Variants in CCDC88A observed in about 807,000 individuals in gnomAD.
The protein encoded by CCDC88A is girdin.
A neutral mutation model predicts 234.3 loss-of-function variants in CCDC88A; 54 were observed. The ratio of observed to expected loss-of-function variants is 0.23; its 90% CI spans 0.19 to 0.29. CCDC88A has a LOEUF of 0.29. Among genes scored for constraint, CCDC88A ranks in the 10% least tolerant of loss-of-function variants. The pLI is 1.00. For missense variants in CCDC88A, 1,832 were observed against 2,123.4 expected (o/e 0.86, Z 2.70); for synonymous variants, 753 against 737.8 (o/e 1.02, Z -0.33).
intron 11 of CCDC88A, 116 bp from the exon 12 acceptor site, chr2:55,343,908 T>C: frequency 1.1e-6 from 1 of 884,880 alleles, no homozygotes; most frequent in African/African-American, 1.7e-5. Context: ...AATTATGAGT[T>C]CTTTAAATTT....
At chr2:55,394,301 T>C (rs1677156140) in intron 2 of CCDC88A, 1 of 152,228 alleles carries the variant, frequency 6.6e-6, no homozygotes, top group Non-Finnish European at 1.5e-5. Flanking sequence ...ATGGTGTATA[T>C]GTGCCACATT....
chr2:55,374,273 C>T (rs1035012921), intron 4 of CCDC88A, among the ~76,000 whole-genome samples: 4 of 152,074 alleles, frequency 2.6e-5, no homozygotes, highest in African/African-American at 9.7e-5. Context: ...GAGGCTGAGG[C>T]AGGAGAATCG....
At chr2:55,396,503 CTAGAGCTCTTTTACTCTTT>C (rs1051851856) in intron 2 of CCDC88A, among the ~76,000 whole-genome samples, 9 of 152,082 alleles carry the variant, frequency 5.9e-5, no homozygotes, top group Non-Finnish European at 1.0e-4. Context: ...GCCTAGGATC[CTAGAGCTCTTTTACTCTTT>C]TAGTTTTTCC....
intron 28 of CCDC88A, 102 bp downstream of exon 28, chr2:55,301,104 C>G: frequency 1.4e-6 from 1 of 699,450 alleles, no homozygotes; most frequent in South Asian, 1.7e-5. Context: ...ATAGAGAAAA[C>G]ATGCTTGCTG....
chr2:55,398,140 G>A (rs1479440228), intron 2 of CCDC88A, among the ~76,000 whole-genome samples: 2 of 152,176 alleles, frequency 1.3e-5, no homozygotes, highest in East Asian at 3.8e-4. Context: ...AAACTGTGCT[G>A]CTTTGTGTCT....
intron 3 of CCDC88A, among the ~76,000 whole-genome samples, chr2:55,376,156 A>T (rs1410520473): frequency 6.6e-6 from 1 of 152,184 alleles, no homozygotes; most frequent in East Asian, 1.9e-4. Flanking sequence ...AATACATTGT[A>T]TCTGCCATTA....
At position 55,308,800 on chromosome 2, in the gene CCDC88A, A is replaced by G. The variant is rs375446648; in HGVS notation, c.4387+9T>C. 2 of 1,604,888 alleles carry G rather than the reference A, an allele frequency of 1.2e-6. No homozygotes were observed. The highest frequency in any genetic ancestry group is 1.7e-6 in the Non-Finnish European group (2 of 1,171,884). Reference sequence around the variant, plus strand: ...ATCAATACGATGTTTAAAGAGTTTAAGCACTCACTGCTGCTTTTCTTGGTC... The same window carrying G: ...ATCAATACGATGTTTAAAGAGTTTAGGCACTCACTGCTGCTTTTCTTGGTC... On this transcript the variant is annotated intron_variant, in intron 25 of 32. Transcript: ENST00000436346.
Position 55,355,010 on chromosome 2 carries a change from T to C in CCDC88A, c.800+569A>G, listed in dbSNP as rs563336886. On this transcript the variant is annotated intron_variant, in intron 8 of 32. Transcript: ENST00000436346. Reference sequence around the variant, plus strand: ...AGATGATAGGGATTTTTCAGCACCATTGTAATGTTACAGGACCACCATCAT... The same window carrying C: ...AGATGATAGGGATTTTTCAGCACCACTGTAATGTTACAGGACCACCATCAT... Among the ~76,000 whole-genome samples the C allele has an allele frequency of 4.1e-4, 62 of 150,612 alleles. No individual in the cohort carries two copies. In the South Asian group the frequency reaches 0.013, roughly 32 times the overall value.
chr2:55,391,217 T>C (rs1044561758), intron 2 of CCDC88A, among the ~76,000 whole-genome samples: 9 of 152,142 alleles, frequency 5.9e-5, no homozygotes, highest in Admixed American at 2.0e-4. Flanking sequence ...GAAGGAGGAC[T>C]AAATCAGCAG....
At chr2:55,400,307 A>G (rs1678391320) in intron 2 of CCDC88A, among the ~76,000 whole-genome samples, 1 of 152,204 alleles carries the variant, frequency 6.6e-6, no homozygotes, top group African/African-American at 2.4e-5. Flanking sequence ...AAACGTGAGC[A>G]AGTACCTTTC....
At chr2:55,308,734 G>A in intron 25 of CCDC88A, 75 bp downstream of exon 25, 2 of 1,038,046 alleles carry the variant, frequency 1.9e-6, no homozygotes, top group Middle Eastern at 4.2e-4. Context: ...TTCCCCCAAA[G>A]GACTACTGAA....
chr2:55,362,438 T>C lies in CCDC88A; in HGVS notation c.497A>G (p.Asn166Ser). 1.2e-6 allele frequency: 2 copies of C among 1,600,860 alleles called. No individual in the cohort carries two copies. Among genetic ancestry groups the C allele is most frequent in the Non-Finnish European group, 1.7e-6 (2 of 1,176,224 alleles). Residue 166 changes from asparagine to serine, a missense_variant, in exon 7 of 33, where the codon AAT (asparagine) becomes AGT (serine). Asn to Ser is a conservative substitution (Grantham distance 46). Transcript: ENST00000436346. ...TTGCAGGTCAAACACATTTTCCTGA[T>C]TATGAGTTACCTTTAGAAAAGTGAC... The part of the protein sequence containing the change: ...VAAHIQEVTH[N>S]QENVFDLQWM...
chr2:55,341,504 G>C (rs1192251352), intron 12 of CCDC88A, among the ~76,000 whole-genome samples: 1 of 149,958 alleles, frequency 6.7e-6, no homozygotes, highest in South Asian at 2.1e-4. Context: ...GAGTGCAATA[G>C]GATGATCTCA....
chr2:55,343,567 C>A, intron 12 of CCDC88A, 81 bp downstream of exon 12: 8 of 1,063,294 alleles, frequency 7.5e-6, no homozygotes, highest in Non-Finnish European at 1.1e-5. Flanking sequence ...TCTCCCACTG[C>A]GGAAAATAAA....
At chr2:55,409,528 C>T (rs1205451279) in intron 2 of CCDC88A, among the ~76,000 whole-genome samples, 1 of 152,172 alleles carries the variant, frequency 6.6e-6, no homozygotes, top group Non-Finnish European at 1.5e-5. Flanking sequence ...TTCCTAGCAT[C>T]TAACAGTTTA....
At chr2:55,385,039 G>A (rs746210424) in intron 3 of CCDC88A, among the ~76,000 whole-genome samples, 1 of 151,998 alleles carries the variant, frequency 6.6e-6, no homozygotes, top group African/African-American at 2.4e-5. Context: ...TCCTTGACTT[G>A]AATACAAAGA....
chr2:55,361,672 C>G (rs1671342255), intron 7 of CCDC88A, among the ~76,000 whole-genome samples: 1 of 152,124 alleles, frequency 6.6e-6, no homozygotes, highest in South Asian at 2.1e-4. Flanking sequence ...CTTTGCTCTG[C>G]TATTAAGAAA....
chr2:55,307,188 A>AT (rs1171869727), intron 25 of CCDC88A, among the ~76,000 whole-genome samples: 1 of 151,982 alleles, frequency 6.6e-6, no homozygotes, highest in African/African-American at 2.4e-5. Flanking sequence ...AAATTTTCTG[A>AT]TTTTCTTGGA....
chr2:55,348,455 A>C (rs1451836596), intron 9 of CCDC88A: 1 of 151,264 alleles, frequency 6.6e-6, no homozygotes, highest in African/African-American at 2.4e-5. Context: ...TGGTATTTTT[A>C]GTAGAGACAG....
Sources: gnomAD v4.1 joint callset for allele counts (sites outside exome capture counted in the v4.1 genomes callset) on GRCh38, gnomAD v4.1.1 for gene constraint, MANE v1.5 for transcripts, NCBI Gene and HGNC (gene_info 2026-07-23, HGNC 2026-07-21) for gene names.